The following PAGE2B variants were observed in gnomAD, a reference collection of about 807,000 sequenced individuals.
The protein encoded by PAGE2B is PAGE family member 2B, also known as putative G antigen family E member 3.
Under a neutral mutation model 7.6 loss-of-function variants are expected in PAGE2B, and 5 were observed. The ratio of observed to expected loss-of-function variants is 0.66; its 90% CI spans 0.34 to 1.38. PAGE2B has a LOEUF of 1.38. Ranked by LOEUF, PAGE2B falls within the 40% of genes most tolerant of loss-of-function variation. PAGE2B has a pLI of 0.04. For synonymous variants in PAGE2B, 29 were observed against 26.7 expected, an observed-to-expected ratio of 1.09 and a Z score of -0.27; for missense variants, 70 against 78.4, an observed-to-expected ratio of 0.89 and a Z score of 0.41.
chrX:55,050,695 T>C, the PAGE2B span, among the ~76,000 whole-genome samples: 1 of 111,699 alleles, frequency 9.0e-6, no homozygotes, highest in African/African-American at 3.3e-5. Flanking sequence ...TTTGAGCCTA[T>C]GTGTGTCTCT....
the PAGE2B span, among the ~76,000 whole-genome samples, chrX:55,036,618 A>G: frequency 9.0e-6 from 1 of 111,313 alleles, no homozygotes; most frequent in South Asian, 3.8e-4. Context: ...AAAGAACAAA[A>G]CTGGAAGCAT....
the PAGE2B span, among the ~76,000 whole-genome samples, chrX:55,069,097 G>C: frequency 8.9e-6 from 1 of 111,851 alleles, no homozygotes; most frequent in Non-Finnish European, 1.9e-5. Flanking sequence ...TGATGGGAGA[G>C]GGCATCCTTG....
chrX:55,060,918 T>C, the PAGE2B span, among the ~76,000 whole-genome samples: 1 of 111,344 alleles, frequency 9.0e-6, no homozygotes, highest in Non-Finnish European at 1.9e-5. Context: ...ATATCACTAC[T>C]GTTCAACTGT....
chrX:55,071,147 G>GT (rs1178234976), upstream of PAGE2B, among the ~76,000 whole-genome samples: 72 of 111,039 alleles, frequency 6.5e-4, no homozygotes, highest in African/African-American at 8.8e-4. Flanking sequence ...TTTACGATTA[G>GT]TTTTTTTTGT....
chrX:55,045,403 C>T, the PAGE2B span, among the ~76,000 whole-genome samples: 3 of 111,739 alleles, frequency 2.7e-5, no homozygotes, highest in African/African-American at 9.8e-5. Flanking sequence ...CCTTAATACT[C>T]AGAAGTTGTT....
At chrX:55,035,049 A>T in the PAGE2B span, among the ~76,000 whole-genome samples, 1 of 109,886 alleles carries the variant, frequency 9.1e-6, no homozygotes, top group Non-Finnish European at 1.9e-5. Context: ...GCTGGCAGCC[A>T]ATTAGATGAT....
chrX:55,076,420 G>A (rs1381621067), intron 2 of PAGE2B, 149 bp from the exon 3 acceptor site: 21 of 520,888 alleles, frequency 4.0e-5, no homozygotes, highest in Middle Eastern at 5.8e-4. Flanking sequence ...ATGTATATAC[G>A]TATGTATGTA....
At chrX:55,054,451 A>G in the PAGE2B span, among the ~76,000 whole-genome samples, 1 of 112,235 alleles carries the variant, frequency 8.9e-6, no homozygotes, top group Non-Finnish European at 1.9e-5. Context: ...ACTTTGAGTG[A>G]TTAGCTCAAA....
the PAGE2B span, among the ~76,000 whole-genome samples, chrX:55,058,719 T>G: frequency 9.0e-6 from 1 of 111,498 alleles, no homozygotes; most frequent in Non-Finnish European, 1.9e-5. Flanking sequence ...ATTACTATCT[T>G]GAATTTACAG....
the PAGE2B span, among the ~76,000 whole-genome samples, chrX:55,052,122 C>T: frequency 9.0e-6 from 1 of 111,725 alleles, no homozygotes; most frequent in African/African-American, 3.3e-5. Flanking sequence ...TGCAGAACAG[C>T]GGATATTGGT....
the PAGE2B span, among the ~76,000 whole-genome samples, chrX:55,041,323 C>T: frequency 1.1e-4 from 12 of 110,331 alleles, no homozygotes; most frequent in South Asian, 3.9e-4. Flanking sequence ...CCTCGTGATC[C>T]GCCCCCATCA....
chrX:55,039,027 A>G, the PAGE2B span, among the ~76,000 whole-genome samples: 1 of 111,905 alleles, frequency 8.9e-6, no homozygotes, highest in Non-Finnish European at 1.9e-5. Flanking sequence ...GCTCTTTGAG[A>G]CAGTACATTG....
the PAGE2B span, among the ~76,000 whole-genome samples, chrX:55,038,488 A>G: frequency 0.067 from 7,537 of 111,773 alleles, 590 homozygotes; most frequent in African/African-American, 0.22. Context: ...TTACTGAGAT[A>G]CTATGTTTTT....
the PAGE2B span, among the ~76,000 whole-genome samples, chrX:55,067,213 C>T: frequency 5.4e-5 from 6 of 110,562 alleles, no homozygotes; most frequent in Admixed American, 5.8e-4. Context: ...CCTAGCCCCC[C>T]ACCCCTGACA....
the PAGE2B span, among the ~76,000 whole-genome samples, chrX:55,031,768 TCTC>T: frequency 9.0e-6 from 1 of 111,243 alleles, no homozygotes; most frequent in South Asian, 3.8e-4. Context: ...TCTATTACCT[TCTC>T]CTCCCTTTTT....
upstream of PAGE2B, among the ~76,000 whole-genome samples, chrX:55,072,165 A>T (rs935678004): frequency 9.0e-6 from 1 of 111,577 alleles, no homozygotes; most frequent in East Asian, 2.8e-4. Context: ...GATCATTTGG[A>T]ATTTTCTGGA....
intron 1 of PAGE2B, 142 bp downstream of exon 1, chrX:55,075,256 G>A (rs1936493492): frequency 1.5e-5 from 2 of 136,321 alleles, no homozygotes; most frequent in African/African-American, 3.2e-5. Flanking sequence ...GCCCCTCCCA[G>A]GTCGGGATGC....
At chrX:55,044,792 A>G in the PAGE2B span, 1 of 111,789 alleles carries the variant, frequency 8.9e-6, no homozygotes, top group African/African-American at 3.2e-5. Context: ...GGCTTGTCAT[A>G]TGCATGACAT....
the PAGE2B span, among the ~76,000 whole-genome samples, chrX:55,050,214 A>T: frequency 5.6e-4 from 62 of 111,113 alleles, no homozygotes; most frequent in African/African-American, 1.8e-3. Context: ...TGCTGAGGAG[A>T]GCTTTACTTC....
Sources: allele counts gnomAD v4.1 joint callset (sites outside exome capture counted in the v4.1 genomes callset), GRCh38; gene constraint gnomAD v4.1.1; transcripts MANE v1.5; gene names NCBI Gene and HGNC (gene_info 2026-07-23, HGNC 2026-07-21).